The following TMEM132B variants were observed in gnomAD, a reference collection of about 807,000 sequenced individuals.
TMEM132B encodes the protein transmembrane protein 132B.
Under a neutral mutation model 90.8 loss-of-function variants are expected in TMEM132B, and 18 were observed. The ratio of observed to expected loss-of-function variants is 0.20; its 90% CI spans 0.14 to 0.29. TMEM132B has a LOEUF of 0.29. Among genes scored for constraint, TMEM132B ranks in the 10% least tolerant of loss-of-function variants. TMEM132B has a pLI of 1.00. For missense variants in TMEM132B, 1,096 were observed against 1,326.8 expected, an observed-to-expected ratio of 0.83 and a Z score of 2.70; for synonymous variants, 504 against 523.3, an observed-to-expected ratio of 0.96 and a Z score of 0.50.
intron 1 of TMEM132B, chr12:125,301,365 C>T (rs942989088): frequency 6.6e-5 from 10 of 152,196 alleles, no homozygotes; most frequent in African/African-American, 9.7e-5. Context: ...GAGCAGGGCT[C>T]GTGCCTTGCT....
intron 1 of TMEM132B, among the ~76,000 whole-genome samples, chr12:125,288,637 G>A (rs1487935485): frequency 1.3e-5 from 2 of 151,930 alleles, no homozygotes; most frequent in South Asian, 2.1e-4. Context: ...ACCATGTTAC[G>A]CTTGTATTTT....
intron 4 of TMEM132B, among the ~76,000 whole-genome samples, chr12:125,557,054 G>C (rs947253686): frequency 1.3e-5 from 2 of 152,152 alleles, no homozygotes; most frequent in African/African-American, 2.4e-5. Flanking sequence ...GTGTGTGGCA[G>C]GTTCTTAGAA....
At chr12:125,619,595 C>T (rs553783076) in intron 5 of TMEM132B, among the ~76,000 whole-genome samples, 3 of 152,014 alleles carry the variant, frequency 2.0e-5, no homozygotes, top group East Asian at 3.9e-4. Context: ...GAACTCCTGA[C>T]CTTAGGTGAT....
intron 3 of TMEM132B, among the ~76,000 whole-genome samples, chr12:125,474,537 C>T (rs1449853552): frequency 1.3e-5 from 2 of 152,142 alleles, no homozygotes; most frequent in South Asian, 2.1e-4. Context: ...AATCCTCCTG[C>T]TTCAGTCTCC....
At chr12:125,544,852 G>A (rs759328156) in intron 4 of TMEM132B, among the ~76,000 whole-genome samples, 7 of 152,300 alleles carry the variant, frequency 4.6e-5, no homozygotes, top group East Asian at 3.9e-4. Flanking sequence ...ACATCTTGGC[G>A]TTGCTGTGAA....
chr12:125,242,293 G>A (rs1454843985), intron 1 of TMEM132B, among the ~76,000 whole-genome samples: 9 of 152,136 alleles, frequency 5.9e-5, no homozygotes, highest in Admixed American at 5.9e-4. Context: ...GAGAATAGAG[G>A]TATGTACCAC....
chr12:125,201,669 T>C (rs1873065798), intron 1 of TMEM132B, among the ~76,000 whole-genome samples: 1 of 152,244 alleles, frequency 6.6e-6, no homozygotes, highest in Non-Finnish European at 1.5e-5. Context: ...AATTACTTAA[T>C]GTCTCTGTGC....
chr12:125,245,100 G>A (rs914364355), intron 1 of TMEM132B, among the ~76,000 whole-genome samples: 4 of 152,270 alleles, frequency 2.6e-5, no homozygotes, highest in African/African-American at 9.6e-5. Context: ...TGGAAAGCCC[G>A]TATCCCTTGA....
At chr12:125,495,104 T>C (rs1046938085) in intron 3 of TMEM132B, among the ~76,000 whole-genome samples, 789 of 9,432 alleles carry the variant, frequency 0.084, no homozygotes, top group Middle Eastern at 0.12. Context: ...TGGCCGCATC[T>C]CTCCTCCCCC....
Position 125,519,602 on chromosome 12 carries a change from G to A in TMEM132B, c.1270G>A (p.Val424Met), listed in dbSNP as rs199663478. Residue 424 changes from valine (V) to methionine (M), a missense_variant, in exon 4 of 9, where the codon GTG (valine) becomes ATG (methionine). Val to Met is a conservative substitution (Grantham distance 21, BLOSUM62 1). Transcript: ENST00000682704. ...SEIFVSQTTF[V>M]GIVPLAMDTE... is the part of the protein sequence containing the mutation. ...GATCTTCGTCAGCCAGACAACCTTC[G>A]TGGGCATCGTCCCTCTTGCCATGGT... 9.3e-5 allele frequency: 150 copies of A among 1,614,074 alleles called. No homozygotes were observed. In the East Asian group the frequency reaches 1.0e-3, roughly 11 times the overall value.
In TMEM132B at chr12:125,562,666, GATCTGGTGGGAGGTAATTGA is replaced by G. The variant is rs543669775; in HGVS notation, c.1294-21181_1294-21162del. Among the ~76,000 whole-genome samples the G allele has an allele frequency of 1.2e-3, 180 of 152,262 alleles. 2 individuals carry two copies. Among genetic ancestry groups the G allele is most frequent in the African/African-American group, 3.9e-3 (161 of 41,552 alleles). The stretch of plus-strand genomic sequence containing the variant: ...CATAACCCCCACATGTTGTGGGAGG[GATCTGGTGGGAGGTAATTGA>G]ATCACTACCCCATACTATTCTCATG... On this transcript the variant is annotated intron_variant, in intron 4 of 8. Coordinates refer to ENST00000682704, the MANE Select transcript of TMEM132B (RefSeq NM_001366854.1).
intron 1 of TMEM132B, among the ~76,000 whole-genome samples, chr12:125,312,911 G>C (rs1336715897): frequency 6.6e-6 from 1 of 152,176 alleles, no homozygotes; most frequent in East Asian, 1.9e-4. Flanking sequence ...CCAATGGAGA[G>C]CTCTTCCTTT....
At chr12:125,456,746 C>T (rs913607167) in intron 3 of TMEM132B, among the ~76,000 whole-genome samples, 6 of 152,354 alleles carry the variant, frequency 3.9e-5, no homozygotes, top group African/African-American at 1.4e-4. Context: ...AAGACTGTGT[C>T]TTGTTTGTCT....
intron 1 of TMEM132B, among the ~76,000 whole-genome samples, chr12:125,230,365 C>T (rs960011954): frequency 1.3e-5 from 2 of 152,174 alleles, no homozygotes; most frequent in African/African-American, 4.8e-5. Flanking sequence ...GGCTCCTGGA[C>T]TGCAGCGACA....
chr12:125,284,365 C>A (rs1875287058), intron 1 of TMEM132B, among the ~76,000 whole-genome samples: 1 of 152,182 alleles, frequency 6.6e-6, no homozygotes, highest in Admixed American at 6.5e-5. Flanking sequence ...CGTTCAGCAA[C>A]TATTTGTTGA....
intron 1 of TMEM132B, among the ~76,000 whole-genome samples, chr12:125,343,630 C>T (rs1877264350): frequency 6.6e-6 from 1 of 152,216 alleles, no homozygotes. Flanking sequence ...CTCTGTGCCT[C>T]AGTTTCATAA....
chr12:125,362,106 C>T (rs1487537123), intron 2 of TMEM132B, among the ~76,000 whole-genome samples: 1 of 152,194 alleles, frequency 6.6e-6, no homozygotes, highest in Admixed American at 6.5e-5. Context: ...CTGCCTGCAC[C>T]TGCTCCCAGG....
chr12:125,514,877 T>TCTC (rs368563205), intron 3 of TMEM132B, among the ~76,000 whole-genome samples: 4 of 151,764 alleles, frequency 2.6e-5, no homozygotes, highest in Non-Finnish European at 4.4e-5. Context: ...CCCTGTGTCT[T>TCTC]CTCCTCCTCC....
In TMEM132B at chr12:125,340,841, A is replaced by G. The variant is rs370149135; in HGVS notation, c.68-8611A>G. On this transcript the variant is annotated intron_variant, in intron 1 of 8. Coordinates refer to ENST00000682704, the MANE Select transcript of TMEM132B (RefSeq NM_001366854.1). ...GAAAACTGCTTTTGCTTCGTTGTCC[A>G]TAGTTGTTATAGGCCCATCTTACAT... is the stretch of plus-strand genomic sequence containing the variant. 8.5e-5 allele frequency among the ~76,000 whole-genome samples: 13 copies of G among 152,320 alleles called. 1 individual carries two copies. The highest frequency in any genetic ancestry group is 3.1e-4 in the African/African-American group (13 of 41,562).
Sources: gnomAD v4.1 joint callset for allele counts (sites outside exome capture counted in the v4.1 genomes callset) on GRCh38, gnomAD v4.1.1 for gene constraint, MANE v1.5 for transcripts, NCBI Gene and HGNC (gene_info 2026-07-23, HGNC 2026-07-21) for gene names.